Variants in SSTR5 observed in about 807,000 individuals in gnomAD.
SSTR5 encodes somatostatin receptor 5.
In SSTR5, 1 loss-of-function variant was observed where a neutral mutation model predicts 0.3. The observed-to-expected ratio is 2.98, with a 90% CI of 1.06 to 14.15. The LOEUF is 14.15. Among genes scored for constraint, SSTR5 ranks in the 30% most tolerant of loss-of-function variants. SSTR5 has a pLI of 0.12. For synonymous variants in SSTR5, 256 were observed against 263.1 expected (o/e 0.97, Z 0.26); for missense variants, 516 against 543.2 (o/e 0.95, Z 0.50).
At position 1,079,747 on chromosome 16, in the gene SSTR5, C is replaced by T; in HGVS notation, c.879C>T (p.Ser293=). The change falls in exon 2 of 2, where the codon TCC becomes TCT. Residue 293 remains serine (S), a synonymous_variant. Transcript: ENST00000689027. ...TCTACTTCTTCGTGGTCATCCTCTC[C>T]TACGCCAACAGCTGTGCCAACCCCG... ...AGLYFFVVIL[S]YANSCANPVL... is the part of the protein sequence containing the mutation. The T allele has an allele frequency of 6.2e-7, 1 of 1,612,306 alleles. No individual in the cohort carries two copies. Among genetic ancestry groups the T allele is most frequent in the Non-Finnish European group, 8.5e-7 (1 of 1,179,934 alleles).
rs1311734013 is a variant in SSTR5 at position 1,080,516 on chromosome 16, G to A, written c.*553G>A. On this transcript the variant is annotated 3_prime_UTR_variant, in exon 2 of 2. Coordinates refer to ENST00000689027, the MANE Select transcript of SSTR5 (RefSeq NM_001172560.3). ...CTGTGTGGACTCTGGGGATGCAGGT[G>A]TAAGGGGAGTGTGGCTGGGCAGCCC... Among the ~76,000 whole-genome samples, 2 of 152,244 alleles carry A rather than the reference G, an allele frequency of 1.3e-5. No homozygotes were observed. Among genetic ancestry groups the A allele is most frequent in the Admixed American group, 1.3e-4 (2 of 15,292 alleles).
intron 1 of SSTR5, among the ~76,000 whole-genome samples, chr16:1,076,712 C>T (rs1292630064): frequency 8.3e-6 from 1 of 120,440 alleles, no homozygotes; most frequent in Non-Finnish European, 1.8e-5. Context: ...TGGTTCTGAC[C>T]ACTTTTGTAG....
intron 1 of SSTR5, 83 bp from the exon 2 acceptor site, chr16:1,078,759 G>A (rs1960269496): frequency 7.3e-7 from 1 of 1,377,828 alleles, no homozygotes; most frequent in Non-Finnish European, 9.9e-7. Context: ...TGGCAGGCGG[G>A]GCTGGGGCCC....
In SSTR5 at chr16:1,072,750, CGGCGCCCG is replaced by C. The variant is rs1960112147; in HGVS notation, c.-97_-90del. On this transcript the variant is annotated 5_prime_UTR_variant, in exon 1 of 2. Coordinates refer to ENST00000689027, the MANE Select transcript of SSTR5 (RefSeq NM_001172560.3). ...CCGCCCCGCCCCGCCCCCTCCCAGC[CGGCGCCCG>C]GGAGCCCGGAGCCAGTGCCGCGCGG... Among the ~76,000 whole-genome samples the C allele has an allele frequency of 6.7e-6, 1 of 149,292 alleles. No individual in the cohort carries two copies. The highest frequency in any genetic ancestry group is 2.0e-4 in the East Asian group (1 of 4,970).
At chr16:1,075,721 C>A (rs1414086897) in intron 1 of SSTR5, among the ~76,000 whole-genome samples, 1 of 151,906 alleles carries the variant, frequency 6.6e-6, no homozygotes, top group Admixed American at 6.6e-5. Flanking sequence ...AGCCCGCGGG[C>A]TGTCTCCAGA....
Position 1,081,279 on chromosome 16 carries a change from C to T in SSTR5, c.*1316C>T, listed in dbSNP as rs150744823. On this transcript the variant is annotated 3_prime_UTR_variant, in exon 2 of 2. Transcript: ENST00000689027. ...CAGCACTGGCCCCGACCCGTGCTCC[C>T]GCCGTCTGCCCAGAGCAGGACCTCA... 1,350 of 372,458 alleles carry T rather than the reference C, an allele frequency of 3.6e-3. 22 individuals are homozygous for T. The highest frequency in any genetic ancestry group is 0.027 in the African/African-American group (1,258 of 46,834). The allele number at this position is 372,458 out of a possible 1,614,324, so 23.1% of individuals were successfully genotyped here.
chr16:1,078,562 A>C, intron 1 of SSTR5: 1 of 479,300 alleles, frequency 2.1e-6, no homozygotes, highest in East Asian at 3.8e-5. Context: ...GCCAGGCGCC[A>C]TCTGGGTGCA....
Position 1,080,970 on chromosome 16 carries a change from C to T in SSTR5, c.*1007C>T, listed in dbSNP as rs748412763. 48 of 452,770 alleles carry T rather than the reference C, an allele frequency of 1.1e-4. No individual in the cohort carries two copies. The highest frequency in any genetic ancestry group is 8.3e-4 in the African/African-American group (41 of 49,604). The allele number at this position is 452,770 out of a possible 1,614,324, so 28.0% of individuals were successfully genotyped here. On this transcript the variant is annotated 3_prime_UTR_variant, in exon 2 of 2. Transcript: ENST00000689027. The stretch of plus-strand genomic sequence containing the variant: ...CAGGAGCAGAGGACGGTCATCCAGG[C>T]GCAGCGGGGAGCTGCTCCCCAGGCC...
At position 1,079,918 on chromosome 16, in the gene SSTR5, G is replaced by T; in HGVS notation, c.1050G>T (p.Ala350=). 6.2e-7 allele frequency: 1 copy of T among 1,605,484 alleles called. No individual in the cohort carries two copies. The highest frequency in any genetic ancestry group is 8.5e-7 in the Non-Finnish European group (1 of 1,176,812). ...IRQQQEATPP[A]HRAAANGLMQ... ...AGCAGCAGGAGGCCACGCCACCCGC[G>T]CACCGCGCCGCAGCCAACGGGCTTA... The change falls in exon 2 of 2, where the codon GCG becomes GCT. Residue 350 remains alanine, a synonymous_variant. Transcript: ENST00000689027.
chr16:1,078,829 T>C lies in SSTR5; in HGVS notation c.-27-13T>C, dbSNP rs569369456. The C allele has an allele frequency of 7.5e-6, 12 of 1,598,082 alleles. No individual in the cohort carries two copies. In the South Asian group the frequency reaches 1.3e-4, roughly 18 times the overall value. On this transcript the variant is annotated splice_polypyrimidine_tract_variant and intron_variant, in intron 1 of 1. Transcript: ENST00000689027. The stretch of plus-strand genomic sequence containing the variant: ...GACTCACCACCCTGGCGTCCTCCCT[T>C]CTTCTCTTGCAGAGCCTGACGCACC...
chr16:1,079,293 T>G lies in SSTR5; in HGVS notation c.425T>G (p.Val142Gly). Residue 142 changes from valine to glycine, a missense_variant, in exon 2 of 2, where the codon GTG becomes GGG. Coordinates refer to ENST00000689027, the MANE Select transcript of SSTR5 (RefSeq NM_001172560.3). ...AGCGTGGACCGCTACCTGGCAGTGG[T>G]GCACCCGCTGAGCTCGGCCCGCTGG... is the stretch of plus-strand genomic sequence containing the variant. ...VMSVDRYLAV[V>G]HPLSSARWRR... is the part of the protein sequence containing the mutation. 6.2e-7 allele frequency: 1 copy of G among 1,611,214 alleles called. No individual in the cohort carries two copies. Among genetic ancestry groups the G allele is most frequent in the Non-Finnish European group, 8.5e-7 (1 of 1,179,330 alleles).
Position 1,079,875 on chromosome 16 carries a change from G to A in SSTR5, c.1007G>A (p.Arg336His), listed in dbSNP as rs567626697. The change falls in exon 2 of 2, where the codon CGT (arginine) becomes CAT (histidine). Residue 336 changes from arginine to histidine, a missense_variant. Arg to His is a conservative substitution (Grantham distance 29). Transcript: ENST00000689027. ...GAKDADATEPRPDRIRQQQEA... is the reference protein window; with the variant it reads ...GAKDADATEPHPDRIRQQQEA... ...AAGGACGCTGACGCCACGGAGCCGC[G>A]TCCAGACAGGATCCGGCAGCAGCAG... The A allele has an allele frequency of 2.8e-5, 45 of 1,610,116 alleles. No individual in the cohort carries two copies. In the East Asian group the frequency reaches 5.6e-4, roughly 20 times the overall value.
In SSTR5 at chr16:1,079,295, CA is replaced by C; in HGVS notation, c.428del (p.His143ProfsTer3). 1 of 1,611,122 alleles carries C rather than the reference CA, an allele frequency of 6.2e-7. No homozygotes were observed. Among genetic ancestry groups the C allele is most frequent in the Non-Finnish European group, 8.5e-7 (1 of 1,179,330 alleles). ...MSVDRYLAVV[H>X]PLSSARWRRP... The stretch of plus-strand genomic sequence containing the variant: ...CGTGGACCGCTACCTGGCAGTGGTG[CA>C]CCCGCTGAGCTCGGCCCGCTGGCGC... On this transcript the variant is annotated frameshift_variant, in exon 2 of 2. Coordinates refer to ENST00000689027, the MANE Select transcript of SSTR5 (RefSeq NM_001172560.3). LOFTEE classifies it low-confidence loss of function (END_TRUNC).
In SSTR5 at chr16:1,074,744, C is replaced by A. The variant is rs148081953; in HGVS notation, c.-28+1922C>A. Among the ~76,000 whole-genome samples the A allele has an allele frequency of 4.9e-3, 750 of 152,282 alleles. 4 individuals are homozygous for A. The highest frequency in any genetic ancestry group is 0.017 in the African/African-American group (710 of 41,564). The stretch of plus-strand genomic sequence containing the variant: ...GGCTTCTGGGCTGACCCTGGCACAC[C>A]GGGCACCTGCAGATGGTGAGTTGTG... On this transcript the variant is annotated intron_variant, in intron 1 of 1. Transcript: ENST00000689027.
intron 1 of SSTR5, among the ~76,000 whole-genome samples, chr16:1,076,591 G>C (rs1240399137): frequency 6.6e-6 from 1 of 151,648 alleles, no homozygotes; most frequent in East Asian, 2.0e-4. Context: ...CTCTCCCCCT[G>C]CCCACCCCAC....
intron 1 of SSTR5, among the ~76,000 whole-genome samples, chr16:1,076,163 TC>T: frequency 4.1e-5 from 1 of 24,290 alleles, no homozygotes. Context: ...CTCTCCCTCC[TC>T]TCTCTCTCCC....
At position 1,079,486 on chromosome 16, in the gene SSTR5, C is replaced by G. The variant is rs764269115; in HGVS notation, c.618C>G (p.Ala206=). Residue 206 remains alanine (A), a synonymous_variant, in exon 2 of 2, where the codon GCC becomes GCG. Coordinates refer to ENST00000689027, the MANE Select transcript of SSTR5 (RefSeq NM_001172560.3). ...LWGAVFIIYT[A]VLGFFAPLLV... ...GCGCCGTCTTCATCATCTACACGGC[C>G]GTGCTGGGCTTCTTCGCGCCGCTGC... 1 of 1,611,452 alleles carries G rather than the reference C, an allele frequency of 6.2e-7. No individual in the cohort carries two copies. Among genetic ancestry groups the G allele is most frequent in the South Asian group, 1.1e-5 (1 of 90,948 alleles).
rs928806159 is a variant in SSTR5, at chr16:1,079,348, C to G, written c.480C>G (p.Ser160Arg). 1 of 1,602,664 alleles carries G rather than the reference C, an allele frequency of 6.2e-7. No homozygotes were observed. Among genetic ancestry groups the G allele is most frequent in the Admixed American group, 1.7e-5 (1 of 59,196 alleles). The change falls in exon 2 of 2, where the codon AGC (serine) becomes AGG (arginine). Residue 160 changes from serine to arginine, a missense_variant. Coordinates refer to ENST00000689027, the MANE Select transcript of SSTR5 (RefSeq NM_001172560.3). ...GCCCGCGTGTGGCCAAGCTGGCGAG[C>G]GCCGCGGCCTGGGTCCTGTCTCTGT... ...WRRPRVAKLA[S>R]AAAWVLSLCM...
intron 1 of SSTR5, chr16:1,078,005 C>G (rs2151556719): frequency 6.6e-6 from 1 of 152,424 alleles, no homozygotes; most frequent in South Asian, 2.1e-4. Context: ...CCGCCCACAC[C>G]CCCCACCGCG....
Sources: allele counts gnomAD v4.1 joint callset (sites outside exome capture counted in the v4.1 genomes callset), GRCh38; gene constraint gnomAD v4.1.1; transcripts MANE v1.5; gene names NCBI Gene and HGNC (gene_info 2026-07-23, HGNC 2026-07-21).